Variants in CACNA1C observed in about 807,000 individuals in gnomAD.
CACNA1C encodes calcium voltage-gated channel subunit alpha1 C, also known as voltage-dependent L-type calcium channel subunit alpha-1C.
In CACNA1C, 30 loss-of-function variants were observed where a neutral mutation model predicts 229.0. The ratio of observed to expected loss-of-function variants is 0.13; its 90% CI spans 0.10 to 0.18. The LOEUF (loss-of-function observed/expected upper bound fraction) is 0.18. Ranked by LOEUF, CACNA1C falls within the 10% of genes least tolerant of loss-of-function variation. CACNA1C has a pLI of 1.00. For missense variants in CACNA1C, 1,658 were observed against 2,845.0 expected (o/e 0.58, Z 9.49); for synonymous variants, 1,114 against 1,132.5 (o/e 0.98, Z 0.33).
rs952850439 is a variant in CACNA1C, at chr12:2,319,769, G to A, written c.478-129207G>A. Among the ~76,000 whole-genome samples, 2 of 152,156 alleles carry A rather than the reference G, an allele frequency of 1.3e-5. No homozygotes were observed. Among genetic ancestry groups the A allele is most frequent in the African/African-American group, 4.8e-5 (2 of 41,420 alleles). On this transcript the variant is annotated intron_variant, in intron 3 of 46. Transcript: ENST00000399655. This position sits in a 1 kb window ranked among gnomAD's most constrained non-coding sequence, Gnocchi z 4.0. ...AGAGGATGAGCATTCCTCAAGAAGG[G>A]AGACAGCAGAGCACTAGATGGGAAG...
At chr12:2,437,985 G>T (rs1170772263) in intron 3 of CACNA1C, among the ~76,000 whole-genome samples, 2 of 150,380 alleles carry the variant, frequency 1.3e-5, no homozygotes, top group Admixed American at 6.7e-5. Context: ...TAATGATGGT[G>T]ATGATGGTGG....
At chr12:2,119,325 A>G (rs2085439891) in intron 2 of CACNA1C, among the ~76,000 whole-genome samples, 1 of 152,146 alleles carries the variant, frequency 6.6e-6, no homozygotes, top group Non-Finnish European at 1.5e-5. Context: ...GTGAGACTCC[A>G]TGAACTGGGC....
intron 11 of CACNA1C, among the ~76,000 whole-genome samples, chr12:2,561,972 G>T (rs939241303): frequency 3.3e-5 from 5 of 152,146 alleles, no homozygotes; most frequent in African/African-American, 1.2e-4. Context: ...TATACAGTAG[G>T]AAGTGTTGCC....
At chr12:2,065,246 T>C (rs553680234) in intron 1 of CACNA1C, among the ~76,000 whole-genome samples, 2 of 152,358 alleles carry the variant, frequency 1.3e-5, no homozygotes, top group East Asian at 3.9e-4. Flanking sequence ...AATAGGATCT[T>C]GTGCCTCTGT....
At position 2,053,521 on chromosome 12, in the gene CACNA1C, C is replaced by A; in HGVS notation, c.-42C>A. 6.4e-7 allele frequency: 1 copy of A among 1,561,692 alleles called. No individual in the cohort carries two copies. ...GCCGGGGGGTGTTTTCACATTTCTT[C>A]CTCTTCGTGGCTGCTCCTCCTATTA... On this transcript the variant is annotated 5_prime_UTR_variant, in exon 1 of 47. Coordinates refer to ENST00000399655, the MANE Select transcript of CACNA1C (RefSeq NM_000719.7). This position sits in a 1 kb window ranked among gnomAD's most constrained non-coding sequence, Gnocchi z 5.8.
In CACNA1C at chr12:2,665,052, A is replaced by G. The variant is rs979440399; in HGVS notation, c.4398+62A>G. The G allele has an allele frequency of 7.1e-6, 11 of 1,559,962 alleles. No homozygotes were observed. The Admixed American group carries it at 1.2e-4, about 17-fold the overall frequency. On this transcript the variant is annotated intron_variant, in intron 35 of 46. Transcript: ENST00000399655. This position sits in a 1 kb window ranked among gnomAD's most constrained non-coding sequence, Gnocchi z 5.9. ...ACTGCCCAGTTCCAGGGCAGTCTGA[A>G]CCGTCCATCTCTGCAGCTCATGGTC...
chr12:2,239,159 G>A (rs1480487206), intron 3 of CACNA1C, among the ~76,000 whole-genome samples: 1 of 152,182 alleles, frequency 6.6e-6, no homozygotes, highest in Non-Finnish European at 1.5e-5. Context: ...AAAGGGAGGA[G>A]CCGTGAAGAT....
chr12:2,080,466 T>C (rs1001507560), intron 1 of CACNA1C, among the ~76,000 whole-genome samples: 2 of 151,632 alleles, frequency 1.3e-5, no homozygotes, highest in Non-Finnish European at 2.9e-5. Flanking sequence ...CTGGACATGG[T>C]GGCAGGCGCC....
At chr12:2,558,886 T>G (rs1419930054) in intron 11 of CACNA1C, among the ~76,000 whole-genome samples, 1 of 152,044 alleles carries the variant, frequency 6.6e-6, no homozygotes, top group East Asian at 1.9e-4. Context: ...ATAAAACATC[T>G]AGGGTCAGGC....
intron 9 of CACNA1C, among the ~76,000 whole-genome samples, chr12:2,524,840 A>G (rs2099815959): frequency 6.6e-6 from 1 of 152,158 alleles, no homozygotes; most frequent in South Asian, 2.1e-4. Flanking sequence ...ACTGGCGAAG[A>G]GCAGCTAACT....
At chr12:2,682,489 CTGAAGGAAG>C (rs1239863691) in intron 42 of CACNA1C, 52 bp from the exon 43 acceptor site, 1 of 1,584,466 alleles carries the variant, frequency 6.3e-7, no homozygotes, top group Non-Finnish European at 8.6e-7. Context: ...GCTTTACTTG[CTGAAGGAAG>C]TGGAGGAAGG....
intron 3 of CACNA1C, among the ~76,000 whole-genome samples, chr12:2,405,880 T>G (rs570657178): frequency 2.7e-4 from 41 of 152,342 alleles, no homozygotes; most frequent in African/African-American, 9.9e-4. Flanking sequence ...AACCCAAGAT[T>G]CCTTAAAAAA....
Position 2,100,193 on chromosome 12 carries a change from C to T in CACNA1C, c.50-15031C>T, listed in dbSNP as rs2075762560. On this transcript the variant is annotated intron_variant, in intron 1 of 46. Coordinates refer to ENST00000399655, the MANE Select transcript of CACNA1C (RefSeq NM_000719.7). Reference sequence around the variant, plus strand: ...GGGTGCAGTGGCTCACACCTGTAATCCTAGCACTTTTGGAGGCTGAGGTGG... The same window carrying T: ...GGGTGCAGTGGCTCACACCTGTAATTCTAGCACTTTTGGAGGCTGAGGTGG... Among the ~76,000 whole-genome samples the T allele has an allele frequency of 2.0e-5, 3 of 152,024 alleles. No individual in the cohort carries two copies. The South Asian group carries it at 6.2e-4, about 32-fold the overall frequency.
In CACNA1C at chr12:2,666,997, G is replaced by T. The variant is rs1417580221; in HGVS notation, c.4623+215G>T. Among the ~76,000 whole-genome samples, 2 of 152,198 alleles carry T rather than the reference G, an allele frequency of 1.3e-5. No individual in the cohort carries two copies. Among genetic ancestry groups the T allele is most frequent in the African/African-American group, 4.8e-5 (2 of 41,452 alleles). On this transcript the variant is annotated intron_variant, in intron 37 of 46. Transcript: ENST00000399655. This position sits in a 1 kb window ranked among gnomAD's most constrained non-coding sequence, Gnocchi z 5.3. ...AGCCAGGGACCCAGTCCTGGATAAA[G>T]GACTTGTTCAGTCCATCCCACTGCA...
At chr12:2,089,643 G>A (rs573414130) in intron 1 of CACNA1C, among the ~76,000 whole-genome samples, 42 of 152,278 alleles carry the variant, frequency 2.8e-4, no homozygotes, top group African/African-American at 5.5e-4. Flanking sequence ...TAAAAAGTAC[G>A]TAACACAGTT....
intron 3 of CACNA1C, among the ~76,000 whole-genome samples, chr12:2,278,759 T>C (rs1233944475): frequency 2.0e-5 from 3 of 152,248 alleles, no homozygotes; most frequent in Non-Finnish European, 4.4e-5. Context: ...GGGAGTGGAA[T>C]GGTTACATCA....
At chr12:2,459,205 C>T (rs1184038917) in intron 5 of CACNA1C, among the ~76,000 whole-genome samples, 7 of 134,616 alleles carry the variant, frequency 5.2e-5, no homozygotes, top group Non-Finnish European at 7.7e-5. Context: ...TTAGTAGAGA[C>T]GGTGTTTCAC....
chr12:2,071,860 TG>T (rs1163890513), intron 1 of CACNA1C, among the ~76,000 whole-genome samples: 1 of 152,236 alleles, frequency 6.6e-6, no homozygotes, highest in Non-Finnish European at 1.5e-5. Flanking sequence ...CCATTGTGAA[TG>T]ATTTCACAAT....
chr12:2,430,752 C>A (rs951197243), intron 3 of CACNA1C, among the ~76,000 whole-genome samples: 4 of 152,136 alleles, frequency 2.6e-5, no homozygotes, highest in African/African-American at 9.7e-5. Flanking sequence ...CTCCTTCCCC[C>A]AGGTGTATAG....
Sources: allele counts gnomAD v4.1 joint callset (sites outside exome capture counted in the v4.1 genomes callset), GRCh38; gene constraint gnomAD v4.1.1; non-coding constraint Gnocchi (gnomAD v3.1); transcripts MANE v1.5; gene names NCBI Gene and HGNC (gene_info 2026-07-23, HGNC 2026-07-21).